The following ABCC9 variants were observed in gnomAD, a reference collection of about 807,000 sequenced individuals.
The protein encoded by ABCC9 is ATP-binding cassette sub-family C member 9.
Under a neutral mutation model 188.3 loss-of-function variants are expected in ABCC9, and 95 were observed. The observed-to-expected ratio is 0.50, with a 90% CI of 0.43 to 0.60. The LOEUF (loss-of-function observed/expected upper bound fraction) is 0.60, where lower values mean the gene tolerates loss of function less well. Among genes scored for constraint, ABCC9 ranks in the 20% least tolerant of loss-of-function variants. The pLI, the probability that ABCC9 is intolerant of heterozygous loss-of-function variation, is 0.00. For synonymous variants in ABCC9, 659 were observed against 652.7 expected, an observed-to-expected ratio of 1.01 and a Z score of -0.15; for missense variants, 1,102 against 1,876.3, an observed-to-expected ratio of 0.59 and a Z score of 7.62.
rs972844440 is a variant in ABCC9, at chr12:21,800,368, T to G, written c.*676A>C. On this transcript the variant is annotated 3_prime_UTR_variant, in exon 40 of 40. Coordinates refer to ENST00000261200, the MANE Select transcript of ABCC9 (RefSeq NM_020297.4). ...ACATTATGCCTGATATCTTAAGAATTCTCTCTTTACAGGACAGGAAAAAAT... is the reference window on the plus strand; with the variant it reads ...ACATTATGCCTGATATCTTAAGAATGCTCTCTTTACAGGACAGGAAAAAAT... 4 of 152,212 alleles carry G rather than the reference T, an allele frequency of 2.6e-5. No individual in the cohort carries two copies. The highest frequency in any genetic ancestry group is 9.7e-5 in the African/African-American group (4 of 41,440). The allele number at this position is 152,212 out of a possible 1,614,324, so 9.4% of individuals were successfully genotyped here. A position where few individuals can be genotyped will look rare whatever the true frequency, so the allele number is the denominator to read the frequency against.
intron 15 of ABCC9, among the ~76,000 whole-genome samples, chr12:21,887,270 G>T (rs1017522023): frequency 2.6e-5 from 4 of 152,044 alleles, no homozygotes; most frequent in Non-Finnish European, 5.9e-5. Context: ...TAAATGAACT[G>T]GTCTACAACT....
In ABCC9 at chr12:21,895,326, A is replaced by G; in HGVS notation, c.1619-11T>C. The G allele has an allele frequency of 6.2e-7, 1 of 1,611,370 alleles. No individual in the cohort carries two copies. The highest frequency in any genetic ancestry group is 8.5e-7 in the Non-Finnish European group (1 of 1,177,518). On this transcript the variant is annotated splice_polypyrimidine_tract_variant and intron_variant, in intron 12 of 39. Coordinates refer to ENST00000261200, the MANE Select transcript of ABCC9 (RefSeq NM_020297.4). The stretch of plus-strand genomic sequence containing the variant: ...CTGCATTCATGAAGACTGTGGAAAG[A>G]AATAAAATGCATTAGTTTCATTGAA...
chr12:21,805,140 G>A (rs369379061), intron 39 of ABCC9: 103 of 1,613,536 alleles, frequency 6.4e-5, no homozygotes, highest in Non-Finnish European at 8.6e-5. Context: ...AACTACCGGA[G>A]AATGACAGAC....
chr12:21,876,911 G>T lies in ABCC9; in HGVS notation c.2020-1185C>A, dbSNP rs555670090. Among the ~76,000 whole-genome samples the T allele has an allele frequency of 2.6e-4, 40 of 152,270 alleles. No homozygotes were observed. In the South Asian group the frequency reaches 8.1e-3, roughly 31 times the overall value. Reference sequence around the variant, plus strand: ...TGAATAACTTAAAGAGTGAAAAACTGCTTGAAAAGGCTAGCTTATGTTTGT... The same window carrying T: ...TGAATAACTTAAAGAGTGAAAAACTTCTTGAAAAGGCTAGCTTATGTTTGT... On this transcript the variant is annotated intron_variant, in intron 16 of 39. Coordinates refer to ENST00000261200, the MANE Select transcript of ABCC9 (RefSeq NM_020297.4).
chr12:21,883,301 G>A (rs1335293833), intron 15 of ABCC9, among the ~76,000 whole-genome samples: 1 of 152,200 alleles, frequency 6.6e-6, no homozygotes, highest in Non-Finnish European at 1.5e-5. Flanking sequence ...CTAGTGGGAG[G>A]TAATTGAATC....
chr12:21,843,340 A>G (rs1214412129), intron 28 of ABCC9, among the ~76,000 whole-genome samples: 1 of 152,162 alleles, frequency 6.6e-6, no homozygotes, highest in African/African-American at 2.4e-5. Flanking sequence ...CATAAGATGG[A>G]GTTTTTGAAT....
intron 18 of ABCC9, among the ~76,000 whole-genome samples, chr12:21,868,661 A>G (rs954937848): frequency 1.3e-5 from 2 of 152,184 alleles, no homozygotes; most frequent in Admixed American, 6.5e-5. Context: ...AATAAAATTT[A>G]TGCAATCAGA....
chr12:21,924,634 A>G (rs1374099663), intron 5 of ABCC9: 1 of 152,016 alleles, frequency 6.6e-6, no homozygotes, highest in Non-Finnish European at 1.5e-5. Context: ...TTGCATTTCC[A>G]TCAAAACATT....
rs78341098 is a variant in ABCC9, at chr12:21,815,436, T to C, written c.4023+327A>G. Among the ~76,000 whole-genome samples, 1,367 of 152,208 alleles carry C rather than the reference T, an allele frequency of 9.0e-3. 20 individuals carry two copies. Among genetic ancestry groups the C allele is most frequent in the African/African-American group, 0.031 (1,305 of 41,538 alleles). The stretch of plus-strand genomic sequence containing the variant: ...TTTTACAATAACTAAAAGAAGTCAT[T>C]TGGGGACTAGAGTTATTATGAATGC... On this transcript the variant is annotated intron_variant, in intron 34 of 39. Coordinates refer to ENST00000261200, the MANE Select transcript of ABCC9 (RefSeq NM_020297.4).
intron 30 of ABCC9, among the ~76,000 whole-genome samples, chr12:21,831,926 C>T (rs541041253): frequency 3.5e-4 from 54 of 152,266 alleles, no homozygotes; most frequent in African/African-American, 1.3e-3. Flanking sequence ...ACACTTTTGA[C>T]TCTTCCTCTA....
intron 29 of ABCC9, 68 bp downstream of exon 29, chr12:21,842,246 A>C: frequency 6.5e-7 from 1 of 1,548,346 alleles, no homozygotes; most frequent in Non-Finnish European, 8.8e-7. Context: ...TTGTTGGCAG[A>C]ACCCATGAAT....
chr12:21,900,402 C>T (rs931737499), intron 12 of ABCC9, among the ~76,000 whole-genome samples: 4 of 152,114 alleles, frequency 2.6e-5, no homozygotes, highest in African/African-American at 9.7e-5. Flanking sequence ...AATCAGAGCA[C>T]CTCTCCCCCT....
At chr12:21,916,353 A>G (rs1948603934) in intron 6 of ABCC9, among the ~76,000 whole-genome samples, 1 of 152,174 alleles carries the variant, frequency 6.6e-6, no homozygotes, top group African/African-American at 2.4e-5. Flanking sequence ...CTCACAGATC[A>G]AGTTCAAAGT....
intron 36 of ABCC9, 81 bp from the exon 37 acceptor site, chr12:21,810,036 CT>C: frequency 2.2e-6 from 2 of 895,458 alleles, no homozygotes; most frequent in Non-Finnish European, 3.6e-6. Flanking sequence ...CTTTTCTTTC[CT>C]TACAATGTAA....
intron 4 of ABCC9, among the ~76,000 whole-genome samples, chr12:21,929,425 A>G (rs1949184925): frequency 6.6e-6 from 1 of 152,092 alleles, no homozygotes; most frequent in South Asian, 2.1e-4. Flanking sequence ...TGCAGAACAA[A>G]GGATGTTCCA....
chr12:21,933,268 A>G (rs1949357664), intron 4 of ABCC9, among the ~76,000 whole-genome samples: 1 of 151,880 alleles, frequency 6.6e-6, no homozygotes, highest in Admixed American at 6.6e-5. Context: ...AAAAACAACT[A>G]ATGGGTACTA....
intron 22 of ABCC9, among the ~76,000 whole-genome samples, chr12:21,854,994 G>C (rs1242530488): frequency 2.0e-5 from 3 of 151,900 alleles, no homozygotes; most frequent in African/African-American, 7.3e-5. Context: ...GCAAATTATT[G>C]GTTTTAGAAA....
chr12:21,802,395 TG>T (rs1941500757), intron 39 of ABCC9, among the ~76,000 whole-genome samples: 1 of 147,366 alleles, frequency 6.8e-6, no homozygotes, highest in Admixed American at 6.8e-5. Context: ...AGAAGTATAA[TG>T]GGAGCCACAA....
intron 18 of ABCC9, among the ~76,000 whole-genome samples, chr12:21,865,819 G>A (rs1318119583): frequency 3.3e-5 from 5 of 152,154 alleles, no homozygotes; most frequent in South Asian, 2.1e-4. Flanking sequence ...AGTGCCACAC[G>A]TTAGAGATAC....
Sources: gnomAD v4.1 joint callset for allele counts (sites outside exome capture counted in the v4.1 genomes callset) on GRCh38, gnomAD v4.1.1 for gene constraint, MANE v1.5 for transcripts, NCBI Gene and HGNC (gene_info 2026-07-23, HGNC 2026-07-21) for gene names.